Variants in EDRF1 observed in about 807,000 individuals in gnomAD.
EDRF1 encodes erythroid differentiation-related factor 1.
In EDRF1, 69 loss-of-function variants were observed where a neutral mutation model predicts 148.7. The ratio of observed to expected loss-of-function variants is 0.46; its 90% confidence interval spans 0.38 to 0.57. The LOEUF is 0.57. EDRF1 is among the 20% of genes least tolerant of loss of function. The pLI is 0.00. For missense variants in EDRF1, 1,118 were observed against 1,478.7 expected, an observed-to-expected ratio of 0.76 and a Z score of 4.00; for synonymous variants, 515 against 532.8, an observed-to-expected ratio of 0.97 and a Z score of 0.46.
chr10:125,753,025 A>C (rs1355927210), intron 23 of EDRF1, 111 bp downstream of exon 23: 48 of 762,748 alleles, frequency 6.3e-5, no homozygotes, highest in Non-Finnish European at 2.6e-5. Flanking sequence ...ACACATGTAC[A>C]TATGTATGCT....
At chr10:125,758,453 A>AT (rs367669832) in intron 24 of EDRF1, among the ~76,000 whole-genome samples, 1,876 of 149,332 alleles carry the variant, frequency 0.013, 28 homozygotes, top group African/African-American at 0.038. Context: ...CAAGAGAAAT[A>AT]TTTTTTTTTT....
chr10:125,723,012 A>T, intron 2 of EDRF1, 56 bp from the exon 3 acceptor site: 1 of 1,337,866 alleles, frequency 7.5e-7, no homozygotes, highest in Non-Finnish European at 1.1e-6. Flanking sequence ...ATTAAGCTCT[A>T]CTTGCATGAT....
At chr10:125,760,397 C>T (rs1320204114) in intron 24 of EDRF1, among the ~76,000 whole-genome samples, 1 of 152,112 alleles carries the variant, frequency 6.6e-6, no homozygotes, top group East Asian at 1.9e-4. Flanking sequence ...GTTTTCTAAG[C>T]TTCTGTTTAT....
At chr10:125,755,205 T>C (rs945403017) in intron 24 of EDRF1, among the ~76,000 whole-genome samples, 1 of 152,240 alleles carries the variant, frequency 6.6e-6, no homozygotes, top group Non-Finnish European at 1.5e-5. Flanking sequence ...AGTGTTTCTA[T>C]CATGAATGGA....
chr10:125,725,535 C>G, intron 5 of EDRF1, 93 bp downstream of exon 5: 1 of 1,574,042 alleles, frequency 6.4e-7, no homozygotes, highest in African/African-American at 1.4e-5. Flanking sequence ...TTAAGTTTTG[C>G]CCCTGTGATA....
intron 4 of EDRF1, among the ~76,000 whole-genome samples, chr10:125,724,869 G>A (rs887961456): frequency 6.6e-6 from 1 of 152,210 alleles, no homozygotes; most frequent in East Asian, 1.9e-4. Flanking sequence ...ATTATGGTGA[G>A]GTAAATGACA....
intron 9 of EDRF1, among the ~76,000 whole-genome samples, chr10:125,730,717 G>A (rs1193216070): frequency 3.3e-5 from 5 of 152,168 alleles, no homozygotes; most frequent in Non-Finnish European, 5.9e-5. Flanking sequence ...GCGTTTCTTC[G>A]TTATGCAAAT....
chr10:125,763,207 C>T lies in EDRF1; in HGVS notation c.3546-94C>T. ...ATGCCTGCTGCTCTGTGAAGAGTGACTGTTGGGCTGTCACTGTCCGGTTTT... is the reference window on the plus strand; with the variant it reads ...ATGCCTGCTGCTCTGTGAAGAGTGATTGTTGGGCTGTCACTGTCCGGTTTT... On this transcript the variant is annotated intron_variant, in intron 24 of 24. Coordinates refer to ENST00000356792, the MANE Select transcript of EDRF1 (RefSeq NM_001202438.2). The surrounding 1 kb of genome is among the most constrained non-coding windows in gnomAD (Gnocchi z 4.3). 1 of 1,243,700 alleles carries T rather than the reference C, an allele frequency of 8.0e-7. No individual in the cohort carries two copies. Among genetic ancestry groups the T allele is most frequent in the Non-Finnish European group, 1.2e-6 (1 of 857,092 alleles). 77.0% of individuals were successfully genotyped at this position (1,243,700 alleles called of 1,614,324 possible). A position where few individuals can be genotyped will look rare whatever the true frequency, so the allele number is the denominator to read the frequency against.
At chr10:125,726,874 C>A (rs1308830096) in intron 6 of EDRF1, among the ~76,000 whole-genome samples, 1 of 152,202 alleles carries the variant, frequency 6.6e-6, no homozygotes, top group Non-Finnish European at 1.5e-5. Flanking sequence ...TACTACCCTC[C>A]TATTACCCAT....
chr10:125,742,840 A>G (rs1303820354), intron 17 of EDRF1: 2 of 921,918 alleles, frequency 2.2e-6, no homozygotes, highest in East Asian at 1.2e-4. Context: ...TAGGCAGGAA[A>G]ATATTTTTAT....
chr10:125,748,739 G>C (rs182184306), intron 21 of EDRF1: 1 of 156,506 alleles, frequency 6.4e-6, no homozygotes, highest in East Asian at 1.9e-4. Flanking sequence ...GTCTCACTCT[G>C]TTGCCCAGAC....
At chr10:125,737,061 C>A (rs992176351) in intron 13 of EDRF1, among the ~76,000 whole-genome samples, 2 of 152,058 alleles carry the variant, frequency 1.3e-5, no homozygotes, top group Non-Finnish European at 2.9e-5. Context: ...CATTAACTGT[C>A]CATCTAAATT....
At chr10:125,729,532 T>C in intron 8 of EDRF1, 53 bp downstream of exon 8, 2 of 1,609,716 alleles carry the variant, frequency 1.2e-6, no homozygotes, top group Non-Finnish European at 1.7e-6. Flanking sequence ...ATTCTTCCTT[T>C]AGAATCAGTG....
chr10:125,719,844 C>G lies in EDRF1; in HGVS notation c.37C>G (p.Pro13Ala). The change falls in exon 1 of 25, where the codon CCG becomes GCG. Residue 13 changes from proline to alanine, a missense_variant. Coordinates refer to ENST00000356792, the MANE Select transcript of EDRF1 (RefSeq NM_001202438.2). ...DAKEAGAEGP[P>A]AGAAARGGLS... ...CAAGGAGGCCGGAGCCGAGGGTCCG[C>G]CGGCCGGGGCCGCCGCTCGAGGAGG... The G allele has an allele frequency of 6.2e-7, 1 of 1,612,176 alleles. No individual in the cohort carries two copies. The highest frequency in any genetic ancestry group is 8.5e-7 in the Non-Finnish European group (1 of 1,179,582).
intron 1 of EDRF1, 40 bp downstream of exon 1, chr10:125,719,955 A>C (rs767235923): frequency 1.3e-6 from 2 of 1,574,472 alleles, no homozygotes; most frequent in Non-Finnish European, 1.7e-6. Flanking sequence ...GGGATGTGGG[A>C]GCGGAGGACC....
chr10:125,731,952 G>T, intron 9 of EDRF1: 1 of 431,196 alleles, frequency 2.3e-6, no homozygotes, highest in Non-Finnish European at 4.8e-6. Context: ...CAACTTAGTA[G>T]TGAGTGGCGG....
chr10:125,725,276 C>A, intron 4 of EDRF1, 42 bp from the exon 5 acceptor site: 1 of 1,612,440 alleles, frequency 6.2e-7, no homozygotes, highest in Non-Finnish European at 8.5e-7. Flanking sequence ...ATTGTTTCGA[C>A]TATGTGTGTT....
At chr10:125,756,711 T>A (rs558953125) in intron 24 of EDRF1, 10 of 350,298 alleles carry the variant, frequency 2.9e-5, no homozygotes, top group South Asian at 2.3e-4. Flanking sequence ...TACTCAACGT[T>A]CTTTTGGTTA....
In EDRF1 at chr10:125,719,920, G is replaced by A; in HGVS notation, c.108+5G>A. On this transcript the variant is annotated splice_donor_5th_base_variant and intron_variant, in intron 1 of 24. Coordinates refer to ENST00000356792, the MANE Select transcript of EDRF1 (RefSeq NM_001202438.2). ...TCCGAGGAATCTTCTGCACAGGTGA[G>A]TCCTCCGCGGAGGGGGACCTGCCAG... 3 of 1,611,190 alleles carry A rather than the reference G, an allele frequency of 1.9e-6. No homozygotes were observed. The highest frequency in any genetic ancestry group is 2.5e-6 in the Non-Finnish European group (3 of 1,178,438).
Sources: allele counts gnomAD v4.1 joint callset (sites outside exome capture counted in the v4.1 genomes callset), GRCh38; gene constraint gnomAD v4.1.1; non-coding constraint Gnocchi (gnomAD v3.1); transcripts MANE v1.5; gene names NCBI Gene and HGNC (gene_info 2026-07-23, HGNC 2026-07-21).